SNTG2: variants seen among roughly 807,000 people sequenced by gnomAD.
The protein encoded by SNTG2 is syntrophin gamma 2.
Under a neutral mutation model 70.9 loss-of-function variants are expected in SNTG2, and 74 were observed. The ratio of observed to expected loss-of-function variants is 1.04; its 90% CI spans 0.86 to 1.27. SNTG2 has a LOEUF of 1.27. Ranked by LOEUF, SNTG2 falls within the 50% of genes most tolerant of loss-of-function variation. The pLI, the probability that SNTG2 is intolerant of heterozygous loss-of-function variation, is 0.00. For synonymous variants in SNTG2, 278 were observed against 273.8 expected (o/e 1.02, Z -0.15); for missense variants, 717 against 690.7 (o/e 1.04, Z -0.43).
intron 8 of SNTG2, among the ~76,000 whole-genome samples, chr2:1,177,509 T>G (rs1338599156): frequency 2.0e-5 from 3 of 151,120 alleles, no homozygotes; most frequent in Non-Finnish European, 4.4e-5. Context: ...AAAAAAAACT[T>G]TAAAAGGAAC....
intron 13 of SNTG2, among the ~76,000 whole-genome samples, chr2:1,263,350 A>G (rs1678548424): frequency 1.3e-5 from 2 of 152,190 alleles, no homozygotes; most frequent in Non-Finnish European, 1.5e-5. Context: ...CCTATTATTA[A>G]GGTTATATTA....
At position 1,315,930 on chromosome 2, in the gene SNTG2, G is replaced by A. The variant is rs528767866; in HGVS notation, c.1378-335G>A. 3.3e-5 allele frequency among the ~76,000 whole-genome samples: 5 copies of A among 152,190 alleles called. No individual in the cohort carries two copies. The East Asian group carries it at 9.7e-4, about 30-fold the overall frequency. On this transcript the variant is annotated intron_variant, in intron 15 of 16. Coordinates refer to ENST00000308624, the MANE Select transcript of SNTG2 (RefSeq NM_018968.4). ...AACAATGCTCATAGGATGTTTTAAG[G>A]CTGTGTACAGGAAAACACAAGGGAA...
chr2:975,088 C>A (rs1660866173), intron 1 of SNTG2, among the ~76,000 whole-genome samples: 1 of 152,098 alleles, frequency 6.6e-6, no homozygotes, highest in African/African-American at 2.4e-5. Context: ...TGCACCCACT[C>A]ACACCCATGA....
intron 16 of SNTG2, among the ~76,000 whole-genome samples, chr2:1,324,229 A>G (rs1681669806): frequency 6.6e-6 from 1 of 152,204 alleles, no homozygotes; most frequent in Non-Finnish European, 1.5e-5. Context: ...AGCGCCCAGT[A>G]GCTGAGTTGG....
intron 9 of SNTG2, among the ~76,000 whole-genome samples, chr2:1,229,030 C>T (rs973972657): frequency 7.2e-5 from 11 of 152,090 alleles, no homozygotes; most frequent in Non-Finnish European, 1.5e-5. Context: ...AGCTGCAGAC[C>T]TCTGTGATGA....
intron 13 of SNTG2, among the ~76,000 whole-genome samples, chr2:1,266,160 A>G (rs1417577831): frequency 6.6e-6 from 1 of 152,026 alleles, no homozygotes; most frequent in Non-Finnish European, 1.5e-5. Context: ...AGAGACAGAG[A>G]CATAGAAATG....
At chr2:1,106,291 T>A (rs1303463890) in intron 4 of SNTG2, among the ~76,000 whole-genome samples, 1 of 120,728 alleles carries the variant, frequency 8.3e-6, no homozygotes, top group Non-Finnish European at 1.7e-5. Context: ...ATGTGTGCTG[T>A]CACTCGGGTG....
chr2:1,330,345 A>G (rs1390099803), intron 16 of SNTG2, among the ~76,000 whole-genome samples: 6 of 152,218 alleles, frequency 3.9e-5, no homozygotes, highest in African/African-American at 1.4e-4. Context: ...GGTGGTCTAA[A>G]GAATTTCCAT....
intron 4 of SNTG2, among the ~76,000 whole-genome samples, chr2:1,100,434 C>T (rs868554208): frequency 6.6e-6 from 1 of 152,186 alleles, no homozygotes; most frequent in Non-Finnish European, 1.5e-5. Context: ...CGTGAGCCAC[C>T]GCACCCAGCC....
intron 4 of SNTG2, among the ~76,000 whole-genome samples, chr2:1,126,111 C>CTG (rs926977205): frequency 1.4e-4 from 22 of 152,172 alleles, no homozygotes; most frequent in Admixed American, 1.4e-3. Flanking sequence ...CTAGCTGTAA[C>CTG]TGTGTATCCT....
intron 4 of SNTG2, among the ~76,000 whole-genome samples, chr2:1,109,278 C>T (rs1666283924): frequency 6.6e-6 from 1 of 152,068 alleles, no homozygotes; most frequent in Non-Finnish European, 1.5e-5. Flanking sequence ...AAGCTCTCCT[C>T]TATGACTGGA....
At chr2:1,140,356 G>A (rs28413619) in intron 6 of SNTG2, among the ~76,000 whole-genome samples, 74,881 of 152,114 alleles carry the variant, frequency 0.49, 19,911 homozygotes, top group Non-Finnish European at 0.6. Context: ...AGCTACAGCC[G>A]AGTAAACTGT....
intron 1 of SNTG2, among the ~76,000 whole-genome samples, chr2:968,152 A>G (rs1356314223): frequency 6.9e-6 from 1 of 145,712 alleles, no homozygotes; most frequent in Admixed American, 6.8e-5. Context: ...GTTTTTTTTT[A>G]ACTATAAATT....
At chr2:1,175,910 A>G (rs1456008279) in intron 8 of SNTG2, among the ~76,000 whole-genome samples, 1 of 152,332 alleles carries the variant, frequency 6.6e-6, no homozygotes, top group East Asian at 1.9e-4. Flanking sequence ...ACACGACAGT[A>G]TCGTTGAAGG....
intron 8 of SNTG2, among the ~76,000 whole-genome samples, chr2:1,201,899 G>A (rs552759639): frequency 6.6e-6 from 1 of 152,098 alleles, no homozygotes; most frequent in South Asian, 2.1e-4. Flanking sequence ...AAGCAAGATA[G>A]ACACAAAGAA....
chr2:1,296,082 G>A (rs574070307), intron 14 of SNTG2, among the ~76,000 whole-genome samples: 23 of 149,914 alleles, frequency 1.5e-4, no homozygotes, highest in East Asian at 4.0e-4. Flanking sequence ...TGTCTCCATC[G>A]ATGCCTTCCA....
intron 1 of SNTG2, among the ~76,000 whole-genome samples, chr2:1,028,947 C>T (rs1572252276): frequency 6.6e-6 from 1 of 152,222 alleles, no homozygotes; most frequent in East Asian, 1.9e-4. Context: ...GTCCCATGTT[C>T]ATCTCCAAGA....
At chr2:1,291,867 G>A (rs1337403835) in intron 14 of SNTG2, among the ~76,000 whole-genome samples, 1 of 152,108 alleles carries the variant, frequency 6.6e-6, no homozygotes, top group African/African-American at 2.4e-5. Flanking sequence ...TCTATTTCTG[G>A]AAAAAGGTCT....
At chr2:1,154,117 A>G (rs4073641) in intron 6 of SNTG2, among the ~76,000 whole-genome samples, 130,093 of 152,110 alleles carry the variant, frequency 0.86, 56,020 homozygotes, top group Middle Eastern at 0.95. Context: ...GGAAGAGGGC[A>G]GGGAGCCAAC....
Sources: gnomAD v4.1 joint callset for allele counts (sites outside exome capture counted in the v4.1 genomes callset) on GRCh38, gnomAD v4.1.1 for gene constraint, MANE v1.5 for transcripts, NCBI Gene and HGNC (gene_info 2026-07-23, HGNC 2026-07-21) for gene names.